EXOC6B: variants seen among roughly 807,000 people sequenced by gnomAD.
The protein encoded by EXOC6B is SEC15 homolog B.
A neutral mutation model predicts 113.5 loss-of-function variants in EXOC6B; 54 were observed. That is an observed-to-expected ratio of 0.48 (90% CI 0.38 to 0.60). The LOEUF (loss-of-function observed/expected upper bound fraction) is 0.60, where lower values mean the gene tolerates loss of function less well. EXOC6B is among the 20% of genes least tolerant of loss of function. The pLI is 0.00. For missense variants in EXOC6B, 797 were observed against 977.5 expected (o/e 0.82, Z 2.46); for synonymous variants, 357 against 339.0 (o/e 1.05, Z -0.58).
At chr2:72,801,780 G>T (rs1020171257) in intron 1 of EXOC6B, among the ~76,000 whole-genome samples, 2 of 152,156 alleles carry the variant, frequency 1.3e-5, no homozygotes, top group African/African-American at 4.8e-5. Flanking sequence ...AAGAGTCATT[G>T]ACTGTCTTAA....
intron 6 of EXOC6B, among the ~76,000 whole-genome samples, chr2:72,669,997 C>T (rs6758560): frequency 1.3e-3 from 196 of 152,160 alleles, no homozygotes; most frequent in Non-Finnish European, 2.5e-3. Flanking sequence ...AATGTAACAG[C>T]CATATAAATT....
intron 19 of EXOC6B, among the ~76,000 whole-genome samples, chr2:72,374,069 CA>C (rs916364386): frequency 5.4e-5 from 8 of 148,814 alleles, no homozygotes; most frequent in Admixed American, 6.7e-5. Context: ...GACCCTGTCT[CA>C]AAAAAAAAAT....
intron 18 of EXOC6B, among the ~76,000 whole-genome samples, chr2:72,404,967 T>A (rs1693622127): frequency 6.6e-6 from 1 of 151,320 alleles, no homozygotes; most frequent in Admixed American, 6.6e-5. Flanking sequence ...TGAAAAAAAA[T>A]AGACGAATGG....
At chr2:72,276,720 A>C (rs1292053304) in intron 20 of EXOC6B, among the ~76,000 whole-genome samples, 1 of 152,208 alleles carries the variant, frequency 6.6e-6, no homozygotes. Context: ...AAATGACTCA[A>C]CTGCTCATAG....
intron 18 of EXOC6B, among the ~76,000 whole-genome samples, chr2:72,383,380 C>G (rs143516235): frequency 1.3e-5 from 2 of 152,008 alleles, no homozygotes; most frequent in South Asian, 2.1e-4. Context: ...ATGTGGCCAA[C>G]AAGCATATGA....
At chr2:72,699,023 C>T (rs931265107) in intron 6 of EXOC6B, among the ~76,000 whole-genome samples, 1 of 152,100 alleles carries the variant, frequency 6.6e-6, no homozygotes, top group Non-Finnish European at 1.5e-5. Flanking sequence ...TCTAAATCCC[C>T]TGACATTTTA....
intron 7 of EXOC6B, among the ~76,000 whole-genome samples, chr2:72,560,731 C>A (rs1429303304): frequency 6.6e-6 from 1 of 151,804 alleles, no homozygotes; most frequent in Non-Finnish European, 1.5e-5. Flanking sequence ...TATTTAAGTT[C>A]CTTGATAGCA....
intron 19 of EXOC6B, among the ~76,000 whole-genome samples, chr2:72,374,345 A>G (rs1691221328): frequency 6.6e-6 from 1 of 151,596 alleles, no homozygotes; most frequent in Admixed American, 6.6e-5. Context: ...ATGGAGTACT[A>G]TTCAGCCACA....
intron 8 of EXOC6B, among the ~76,000 whole-genome samples, chr2:72,517,953 G>T (rs1701298872): frequency 6.6e-6 from 1 of 152,104 alleles, no homozygotes; most frequent in Non-Finnish European, 1.5e-5. Context: ...TATCTAATAG[G>T]TCTGGCTTCC....
At chr2:72,387,447 A>G (rs1294870357) in intron 18 of EXOC6B, among the ~76,000 whole-genome samples, 2 of 152,178 alleles carry the variant, frequency 1.3e-5, no homozygotes, top group Non-Finnish European at 2.9e-5. Flanking sequence ...TAGTGAAGAA[A>G]TCTCAGCCTG....
At chr2:72,754,451 C>A (rs1390850555) in intron 1 of EXOC6B, among the ~76,000 whole-genome samples, 1 of 151,766 alleles carries the variant, frequency 6.6e-6, no homozygotes, top group Non-Finnish European at 1.5e-5. Context: ...AGGGTACTGT[C>A]AAACTCCTAG....
chr2:72,255,154 T>C (rs1683277449), intron 20 of EXOC6B, among the ~76,000 whole-genome samples: 1 of 152,112 alleles, frequency 6.6e-6, no homozygotes, highest in East Asian at 1.9e-4. Context: ...ACAGATGGGG[T>C]TATCCGGTAA....
At chr2:72,406,344 C>T (rs1392460767) in intron 18 of EXOC6B, among the ~76,000 whole-genome samples, 1 of 152,024 alleles carries the variant, frequency 6.6e-6, no homozygotes, top group African/African-American at 2.4e-5. Flanking sequence ...AGCTCTGCAC[C>T]AAGCAGACCT....
intron 17 of EXOC6B, among the ~76,000 whole-genome samples, chr2:72,480,102 G>C (rs930367984): frequency 6.6e-6 from 1 of 151,994 alleles, no homozygotes; most frequent in African/African-American, 2.4e-5. Flanking sequence ...TACTTGGGAG[G>C]ATGAGGCATG....
intron 18 of EXOC6B, among the ~76,000 whole-genome samples, chr2:72,451,654 CTG>C (rs141514102): frequency 0.018 from 2,600 of 141,836 alleles, 48 homozygotes; most frequent in African/African-American, 0.048. Flanking sequence ...GTCTTTGTGC[CTG>C]TGTGTGTGTG....
At chr2:72,824,978 T>G (rs1393811741) in intron 1 of EXOC6B, among the ~76,000 whole-genome samples, 3 of 152,048 alleles carry the variant, frequency 2.0e-5, no homozygotes, top group African/African-American at 7.3e-5. Flanking sequence ...AAAAGGAGAG[T>G]AATAGAACCT....
intron 1 of EXOC6B, among the ~76,000 whole-genome samples, chr2:72,767,408 G>T (rs1430085279): frequency 6.6e-6 from 1 of 151,912 alleles, no homozygotes; most frequent in Non-Finnish European, 1.5e-5. Context: ...TCCAACCTGG[G>T]CAAAAGAGCA....
rs979650150 is a variant in EXOC6B, at chr2:72,531,317, G to A, written c.916-16191C>T. On this transcript the variant is annotated intron_variant, in intron 8 of 21. Transcript: ENST00000272427. The stretch of plus-strand genomic sequence containing the variant: ...GGATACTGGTGTTTCCATTTTACCA[G>A]TTCCAGGGAAGAGTAGAAACCTTAC... Among the ~76,000 whole-genome samples the A allele has an allele frequency of 2.0e-5, 3 of 152,092 alleles. No individual in the cohort carries two copies. The East Asian group carries it at 5.8e-4, about 29-fold the overall frequency.
intron 18 of EXOC6B, among the ~76,000 whole-genome samples, chr2:72,401,688 A>G (rs1403009811): frequency 9.1e-6 from 1 of 110,002 alleles, no homozygotes; most frequent in Non-Finnish European, 1.8e-5. Flanking sequence ...TATATATATG[A>G]AAAAGAATGA....
Sources: allele counts gnomAD v4.1 joint callset (sites outside exome capture counted in the v4.1 genomes callset), GRCh38; gene constraint gnomAD v4.1.1; transcripts MANE v1.5; gene names NCBI Gene and HGNC (gene_info 2026-07-23, HGNC 2026-07-21).